Variants in WDFY1 observed in about 807,000 individuals in gnomAD.
The protein encoded by WDFY1 is WD repeat and FYVE domain-containing protein 1.
In WDFY1, 32 loss-of-function variants were observed where a neutral mutation model predicts 56.4. That is an observed-to-expected ratio of 0.57 (90% CI 0.43 to 0.76). WDFY1 has a LOEUF of 0.76. Ranked by LOEUF, WDFY1 falls within the 30% of genes least tolerant of loss-of-function variation. The pLI, the probability that WDFY1 is intolerant of heterozygous loss-of-function variation, is 0.00. For synonymous variants in WDFY1, 192 were observed against 197.3 expected (o/e 0.97, Z 0.23); for missense variants, 480 against 545.7 (o/e 0.88, Z 1.20).
At chr2:223,939,211 T>C (rs1250041863) in intron 1 of WDFY1, among the ~76,000 whole-genome samples, 1 of 152,162 alleles carries the variant, frequency 6.6e-6, no homozygotes, top group Non-Finnish European at 1.5e-5. Flanking sequence ...TCAGAAACTC[T>C]GGGGGTGGGG....
At chr2:223,939,807 C>A (rs1689268651) in intron 1 of WDFY1, among the ~76,000 whole-genome samples, 1 of 152,184 alleles carries the variant, frequency 6.6e-6, no homozygotes, top group South Asian at 2.1e-4. Flanking sequence ...CAAACCATAT[C>A]ACCTCCCCCA....
intron 4 of WDFY1, among the ~76,000 whole-genome samples, chr2:223,903,505 AGAGT>A (rs1008157601): frequency 1.4e-5 from 2 of 142,710 alleles, no homozygotes; most frequent in African/African-American, 5.3e-5. Flanking sequence ...TGTGGGCAAC[AGAGT>A]GAGGCTCTTT....
At chr2:223,935,034 C>G (rs568961612) in intron 1 of WDFY1, among the ~76,000 whole-genome samples, 1 of 151,946 alleles carries the variant, frequency 6.6e-6, no homozygotes, top group Admixed American at 6.6e-5. Flanking sequence ...AGGGTTTCGG[C>G]GAGGGAACAG....
intron 10 of WDFY1, among the ~76,000 whole-genome samples, chr2:223,881,364 CCACT>C: frequency 6.6e-6 from 1 of 152,300 alleles, no homozygotes; most frequent in Non-Finnish European, 1.5e-5. Flanking sequence ...CTCAGGGTAT[CCACT>C]CAGTTACTGG....
intron 6 of WDFY1, among the ~76,000 whole-genome samples, chr2:223,897,384 A>ATTTTTTTT (rs1441035020): frequency 8.5e-6 from 1 of 117,448 alleles, no homozygotes; most frequent in Non-Finnish European, 1.7e-5. Context: ...ATATATATAT[A>ATTTTTTTT]TATATATTTT....
chr2:223,884,866 T>C, intron 8 of WDFY1, 117 bp from the exon 9 acceptor site: 12 of 955,042 alleles, frequency 1.3e-5, no homozygotes, highest in South Asian at 3.2e-5. Flanking sequence ...CTTCTTTTTT[T>C]TTTTTTTTTG....
intron 8 of WDFY1, among the ~76,000 whole-genome samples, chr2:223,893,540 AAGAG>A (rs371212448): frequency 2.9e-4 from 44 of 151,954 alleles, no homozygotes; most frequent in Middle Eastern, 3.4e-3. Context: ...AAAAAAAAAA[AAGAG>A]AGAGAGAGAT....
chr2:223,894,596 G>C, intron 7 of WDFY1: 1 of 458,686 alleles, frequency 2.2e-6, no homozygotes, highest in Non-Finnish European at 4.0e-6. Context: ...GATTTGATGA[G>C]GGCTATGGTT....
At chr2:223,897,369 TATATATATATATATATATA>T (rs1693402428) in intron 6 of WDFY1, among the ~76,000 whole-genome samples, 11 of 66,074 alleles carry the variant, frequency 1.7e-4, no homozygotes, top group South Asian at 1.3e-3. Flanking sequence ...TATATATATA[TATATATATATATATATATA>T]TATTTTTTAA....
At chr2:223,917,801 A>G in intron 2 of WDFY1, 142 bp downstream of exon 2, 2 of 802,796 alleles carry the variant, frequency 2.5e-6, no homozygotes, top group Non-Finnish European at 3.9e-6. Flanking sequence ...CAAACTCCTG[A>G]CCCCAGGTGA....
At chr2:223,933,561 C>G (rs1694116926) in intron 1 of WDFY1, among the ~76,000 whole-genome samples, 1 of 152,082 alleles carries the variant, frequency 6.6e-6, no homozygotes, top group South Asian at 2.1e-4. Context: ...TGGCTCAGAC[C>G]TGTAATCCCA....
At chr2:223,934,081 C>CTTTTTTTTTTTTT (rs201021204) in intron 1 of WDFY1, among the ~76,000 whole-genome samples, 9 of 136,166 alleles carry the variant, frequency 6.6e-5, no homozygotes, top group African/African-American at 1.9e-4. Flanking sequence ...TTTTTCTTTT[C>CTTTTTTTTTTTTT]TTTTTTTTTT....
At chr2:223,894,610 G>T in intron 7 of WDFY1, 1 of 445,682 alleles carries the variant, frequency 2.2e-6, no homozygotes, top group Non-Finnish European at 4.1e-6. Flanking sequence ...TATGGTTTTT[G>T]GGACCAATCA....
rs1017354742 is a variant in WDFY1 at position 223,912,286 on chromosome 2, C to T, written c.246G>A (p.Arg82=). ...SAMAYHHDSR[R]IFVGQDNGAV... ...CTCCATTATCCTGGCCCACAAATAT[C>T]CGTCTGCTGTCATGATGGTAAGCCA... The change falls in exon 3 of 12, where the codon CGG becomes CGA. Residue 82 remains arginine, a synonymous_variant. Transcript: ENST00000233055. 6.2e-7 allele frequency: 1 copy of T among 1,611,042 alleles called. No homozygotes were observed. The highest frequency in any genetic ancestry group is 1.3e-5 in the African/African-American group (1 of 74,798).
chr2:223,941,110 C>T (rs1689296394), intron 1 of WDFY1, among the ~76,000 whole-genome samples: 1 of 152,096 alleles, frequency 6.6e-6, no homozygotes. Flanking sequence ...GTGTGAGCCA[C>T]TGCACCCAGC....
At chr2:223,884,264 CT>C (rs1407077137) in intron 9 of WDFY1, among the ~76,000 whole-genome samples, 1 of 152,132 alleles carries the variant, frequency 6.6e-6, no homozygotes, top group African/African-American at 2.4e-5. Flanking sequence ...TAAATTATTA[CT>C]TTTTATCTGT....
chr2:223,941,250 C>T (rs1689298771), intron 1 of WDFY1, among the ~76,000 whole-genome samples: 1 of 149,940 alleles, frequency 6.7e-6, no homozygotes, highest in Non-Finnish European at 1.5e-5. Flanking sequence ...AGCCACCGCA[C>T]TTGGCCCCCA....
In WDFY1 at chr2:223,878,489, A is replaced by G. The variant is rs1693008471; in HGVS notation, c.*182T>C. The G allele has an allele frequency of 7.1e-6, 4 of 566,924 alleles. No individual in the cohort carries two copies. The East Asian group carries it at 1.2e-4, about 17-fold the overall frequency. The allele number at this position is 566,924 out of a possible 1,614,324, so 35.1% of individuals were successfully genotyped here. Reference sequence around the variant, plus strand: ...ACTATGGACAGACCTTTTCCATATTAGTCCCCATGGGTAAGTTCCACAAAT... The same window carrying G: ...ACTATGGACAGACCTTTTCCATATTGGTCCCCATGGGTAAGTTCCACAAAT... On this transcript the variant is annotated 3_prime_UTR_variant, in exon 12 of 12. Transcript: ENST00000233055.
intron 4 of WDFY1, 135 bp downstream of exon 4, chr2:223,905,812 C>G: frequency 1.9e-6 from 1 of 537,398 alleles, no homozygotes; most frequent in Middle Eastern, 3.0e-4. Flanking sequence ...CACTAAAAGA[C>G]AAGTCTCTTG....
Sources: allele counts gnomAD v4.1 joint callset (sites outside exome capture counted in the v4.1 genomes callset), GRCh38; gene constraint gnomAD v4.1.1; transcripts MANE v1.5; gene names NCBI Gene and HGNC (gene_info 2026-07-23, HGNC 2026-07-21).